Variants in UNC13C observed in about 807,000 individuals in gnomAD.
UNC13C encodes the protein unc-13 homolog C.
Under a neutral mutation model 245.4 loss-of-function variants are expected in UNC13C, and 174 were observed. The ratio of observed to expected loss-of-function variants is 0.71; its 90% CI spans 0.63 to 0.80. The LOEUF is 0.80. UNC13C is among the 30% of genes least tolerant of loss of function. UNC13C has a pLI of 0.00. For synonymous variants in UNC13C, 992 were observed against 895.1 expected, an observed-to-expected ratio of 1.11 and a Z score of -1.93; for missense variants, 2,829 against 2,602.9, an observed-to-expected ratio of 1.09 and a Z score of -1.89.
chr15:54,446,821 C>A (rs547297939), intron 19 of UNC13C, among the ~76,000 whole-genome samples: 1 of 152,268 alleles, frequency 6.6e-6, no homozygotes. Flanking sequence ...GAACTTCCAA[C>A]ACTATGTTGA....
At chr15:54,005,501 C>A (rs1160231813) in intron 1 of UNC13C, among the ~76,000 whole-genome samples, 1 of 152,258 alleles carries the variant, frequency 6.6e-6, no homozygotes, top group East Asian at 1.9e-4. Context: ...AGTTTACTAT[C>A]AAACATTAAT....
chr15:54,454,565 TG>T (rs71105809), intron 19 of UNC13C, among the ~76,000 whole-genome samples: 26 of 100,082 alleles, frequency 2.6e-4, no homozygotes, highest in African/African-American at 3.6e-4. Flanking sequence ...GCAACAATAG[TG>T]GGGGAAAAAA....
Position 54,554,560 on chromosome 15 carries a change from A to G in UNC13C, c.5878-872A>G, listed in dbSNP as rs563989840. ...TCTTCTAATTCACAAAGTCACCTAC[A>G]TAAGTTTAAGCTCCAGAAGGACAAA... On this transcript the variant is annotated intron_variant, in intron 28 of 32. Coordinates refer to ENST00000260323, the MANE Select transcript of UNC13C (RefSeq NM_001080534.3). 3.3e-5 allele frequency among the ~76,000 whole-genome samples: 5 copies of G among 152,230 alleles called. No homozygotes were observed. The South Asian group carries it at 6.2e-4, about 19-fold the overall frequency.
intron 17 of UNC13C, among the ~76,000 whole-genome samples, chr15:54,362,000 A>G (rs1175510577): frequency 2.2e-5 from 1 of 46,224 alleles, no homozygotes; most frequent in Non-Finnish European, 4.0e-5. Context: ...TCACATGAAC[A>G]TCTGGGTTTG....
Position 54,091,422 on chromosome 15 carries a change from T to G in UNC13C, c.2984-51596T>G, listed in dbSNP as rs140925752. ...TAGGTTCAACATCATCATTTGAAAT[T>G]TGTATTGAAGCTGCTTTAAATTCCT... On this transcript the variant is annotated intron_variant, in intron 2 of 32. Coordinates refer to ENST00000260323, the MANE Select transcript of UNC13C (RefSeq NM_001080534.3). Among the ~76,000 whole-genome samples the G allele has an allele frequency of 5.8e-3, 876 of 152,326 alleles. 12 individuals are homozygous for G. The highest frequency in any genetic ancestry group is 0.02 in the African/African-American group (846 of 41,570).
chr15:54,492,038 C>A (rs1467311020), intron 19 of UNC13C, among the ~76,000 whole-genome samples: 1 of 150,986 alleles, frequency 6.6e-6, no homozygotes, highest in Non-Finnish European at 1.5e-5. Context: ...GAAATGTTTT[C>A]TCTCTTTTTG....
intron 22 of UNC13C, among the ~76,000 whole-genome samples, chr15:54,504,273 A>G (rs1317528585): frequency 6.6e-6 from 1 of 152,178 alleles, no homozygotes; most frequent in Non-Finnish European, 1.5e-5. Flanking sequence ...TGACGCACAC[A>G]TATTTATTTC....
At chr15:54,167,020 A>G (rs1006616296) in intron 4 of UNC13C, among the ~76,000 whole-genome samples, 1 of 152,234 alleles carries the variant, frequency 6.6e-6, no homozygotes, top group Non-Finnish European at 1.5e-5. Flanking sequence ...TTGAATATTC[A>G]AAGTAATCTT....
intron 13 of UNC13C, among the ~76,000 whole-genome samples, chr15:54,319,506 C>T (rs2038094784): frequency 6.6e-6 from 1 of 151,870 alleles, no homozygotes; most frequent in Non-Finnish European, 1.5e-5. Context: ...TTGCACAAAT[C>T]ATGGAACTCA....
At chr15:54,590,147 TG>T (rs1898709255) in intron 30 of UNC13C, among the ~76,000 whole-genome samples, 1 of 152,220 alleles carries the variant, frequency 6.6e-6, no homozygotes, top group South Asian at 2.1e-4. Flanking sequence ...CATTGGTATA[TG>T]TGCCTATTTT....
the UNC13C span, among the ~76,000 whole-genome samples, chr15:53,850,219 G>C: frequency 6.6e-6 from 1 of 151,742 alleles, no homozygotes; most frequent in South Asian, 2.1e-4. Flanking sequence ...TTCAAGACCA[G>C]CCTGGGCAAC....
intron 19 of UNC13C, among the ~76,000 whole-genome samples, chr15:54,454,238 G>T (rs564864295): frequency 6.6e-6 from 1 of 151,838 alleles, no homozygotes; most frequent in Non-Finnish European, 1.5e-5. Context: ...CTATTTTCAG[G>T]ACTTTTTCAT....
intron 1 of UNC13C, among the ~76,000 whole-genome samples, chr15:54,006,387 A>T (rs1895137316): frequency 6.6e-6 from 1 of 152,154 alleles, no homozygotes; most frequent in African/African-American, 2.4e-5. Context: ...TTTTTAAAAA[A>T]TAGTATATTA....
At chr15:54,365,855 G>T (rs1429315774) in intron 17 of UNC13C, among the ~76,000 whole-genome samples, 1 of 152,002 alleles carries the variant, frequency 6.6e-6, no homozygotes, top group South Asian at 2.1e-4. Flanking sequence ...TCTTCCTGAA[G>T]GTTCAGTACT....
Position 54,532,949 on chromosome 15 carries a change from A to C in UNC13C, c.5579A>C (p.Gln1860Pro), listed in dbSNP as rs904611965. ...FQVIIEECIK[Q>P]MSFELNQMRA... ...GTTATAATTGAAGAGTGTATAAAAC[A>C]GATGAGTTTCGAACTAAATCAAATG... is the stretch of plus-strand genomic sequence containing the variant. Residue 1860 changes from glutamine to proline, a missense_variant, in exon 26 of 33, where the codon CAG becomes CCG. Physicochemically the swap from Gln to Pro is moderately conservative, Grantham distance 76. Transcript: ENST00000260323. The C allele has an allele frequency of 6.3e-7, 1 of 1,581,296 alleles. No homozygotes were observed. Among genetic ancestry groups the C allele is most frequent in the African/African-American group, 1.3e-5 (1 of 74,358 alleles).
At chr15:54,229,636 A>C (rs1007218520) in intron 4 of UNC13C, among the ~76,000 whole-genome samples, 1 of 152,190 alleles carries the variant, frequency 6.6e-6, no homozygotes, top group Non-Finnish European at 1.5e-5. Flanking sequence ...GGGTGAGTAC[A>C]CTTAACATCC....
intron 10 of UNC13C, among the ~76,000 whole-genome samples, chr15:54,271,003 C>A (rs149805130): frequency 1.4e-3 from 211 of 152,182 alleles, no homozygotes; most frequent in African/African-American, 4.9e-3. Context: ...CCTTAATTAT[C>A]CCCCCATTAA....
intron 9 of UNC13C, 150 bp downstream of exon 9, chr15:54,264,545 G>A (rs1342369638): frequency 3.0e-6 from 2 of 657,284 alleles, no homozygotes; most frequent in Non-Finnish European, 5.1e-6. Flanking sequence ...TTCACATTTT[G>A]AAAATACATA....
At chr15:54,358,210 T>C (rs1490324117) in intron 17 of UNC13C, among the ~76,000 whole-genome samples, 1 of 152,116 alleles carries the variant, frequency 6.6e-6, no homozygotes, top group African/African-American at 2.4e-5. Flanking sequence ...CATGCTGTTT[T>C]GGTCACTACA....
Sources: gnomAD v4.1 joint callset for allele counts (sites outside exome capture counted in the v4.1 genomes callset) on GRCh38, gnomAD v4.1.1 for gene constraint, MANE v1.5 for transcripts, NCBI Gene and HGNC (gene_info 2026-07-23, HGNC 2026-07-21) for gene names.